The following TTC34 variants were observed in gnomAD, a reference collection of about 807,000 sequenced individuals.
TTC34 encodes the protein tetratricopeptide repeat domain 34, also known as tetratricopeptide repeat protein 34.
In TTC34, 44 loss-of-function variants were observed where a neutral mutation model predicts 40.7. The ratio of observed to expected loss-of-function variants is 1.08; its 90% CI spans 0.85 to 1.39. The LOEUF (loss-of-function observed/expected upper bound fraction) is 1.39, where lower values mean the gene tolerates loss of function less well. Ranked by LOEUF, TTC34 falls within the 40% of genes most tolerant of loss-of-function variation. TTC34 has a pLI of 0.00. For synonymous variants in TTC34, 422 were observed against 398.6 expected, an observed-to-expected ratio of 1.06 and a Z score of -0.70; for missense variants, 884 against 838.0, an observed-to-expected ratio of 1.05 and a Z score of -0.68.
intron 2 of TTC34, among the ~76,000 whole-genome samples, chr1:2,799,206 C>A (rs1414454176): frequency 6.6e-6 from 1 of 152,228 alleles, no homozygotes; most frequent in Non-Finnish European, 1.5e-5. Context: ...ACTCTGGTTC[C>A]TCTGGCACAT....
At chr1:2,650,765 A>G (rs1227554538) in intron 6 of TTC34, among the ~76,000 whole-genome samples, 1 of 148,562 alleles carries the variant, frequency 6.7e-6, no homozygotes, top group African/African-American at 2.5e-5. Context: ...AGCATCTGAA[A>G]CCCTGGATCA....
At position 2,792,006 on chromosome 1, in the gene TTC34, C is replaced by CTT. The variant is rs376632144; in HGVS notation, c.785-1662_785-1661dup. On this transcript the variant is annotated intron_variant, in intron 2 of 8. Coordinates refer to ENST00000401095, the Ensembl canonical transcript of TTC34. The stretch of plus-strand genomic sequence containing the variant: ...TGTTCAACTCTAGACTTGCCATATG[C>CTT]TTTTTTTTTTTTTTTTTTTTTTTTT... Among the ~76,000 whole-genome samples the CTT allele has an allele frequency of 1.3e-3, 52 of 39,554 alleles. 8 individuals carry two copies. Among genetic ancestry groups the CTT allele is most frequent in the African/African-American group, 2.4e-3 (29 of 11,988 alleles). 25.9% of individuals were successfully genotyped at this position (39,554 alleles called of 152,430 possible).
intron 6 of TTC34, among the ~76,000 whole-genome samples, chr1:2,759,565 A>G (rs1401258475): frequency 1.5e-4 from 15 of 97,996 alleles, no homozygotes; most frequent in East Asian, 7.1e-4. Flanking sequence ...ACACTCCCAG[A>G]CGAGCATCGG....
At chr1:2,755,849 G>T (rs1336587060) in intron 6 of TTC34, among the ~76,000 whole-genome samples, 1 of 83,652 alleles carries the variant, frequency 1.2e-5, no homozygotes, top group African/African-American at 8.4e-5. Context: ...CGACAGCCTG[G>T]AACATCACCC....
At chr1:2,681,187 C>A (rs1460086917) in intron 6 of TTC34, among the ~76,000 whole-genome samples, 97 of 124,960 alleles carry the variant, frequency 7.8e-4, no homozygotes, top group East Asian at 4.0e-3. Context: ...CCCACGCCCA[C>A]AGGCGAGCAT....
At chr1:2,682,040 C>A (rs1281470164) in intron 6 of TTC34, among the ~76,000 whole-genome samples, 2 of 95,788 alleles carry the variant, frequency 2.1e-5, no homozygotes, top group Non-Finnish European at 4.3e-5. Flanking sequence ...AGGTGAGCAT[C>A]TGACATTGTG....
At chr1:2,769,637 G>T (rs1308519821) in intron 6 of TTC34, among the ~76,000 whole-genome samples, 2 of 138,554 alleles carry the variant, frequency 1.4e-5, no homozygotes, top group South Asian at 2.4e-4. Context: ...ACACCCCCAG[G>T]TGAGCATCTG....
At chr1:2,800,227 C>G (rs939202026) in exon 2 of TTC34, 88 of 398,512 alleles carry the variant, frequency 2.2e-4, no homozygotes, top group Non-Finnish European at 3.5e-4. Flanking sequence ...CTGTGCCCAG[C>G]CTCCGGGTGC....
At chr1:2,652,520 C>CT (rs1639181508) in intron 6 of TTC34, among the ~76,000 whole-genome samples, 94 of 125,530 alleles carry the variant, frequency 7.5e-4, no homozygotes, top group South Asian at 2.2e-3. Context: ...CAACAGCACC[C>CT]ACACCTCCAG....
At chr1:2,691,739 C>G (rs543931189) in intron 6 of TTC34, among the ~76,000 whole-genome samples, 1 of 102,494 alleles carries the variant, frequency 9.8e-6, no homozygotes, top group Non-Finnish European at 2.3e-5. Context: ...GAGCAGCACC[C>G]ACATTCCCAG....
At chr1:2,641,247 G>T in exon 9 of TTC34, 1 of 1,143,634 alleles carries the variant, frequency 8.7e-7, no homozygotes, top group Non-Finnish European at 1.2e-6. Context: ...GGAAGGGGGT[G>T]TGGAGAGGGC....
chr1:2,787,569 G>A, exon 4 of TTC34: 1 of 1,546,480 alleles, frequency 6.5e-7, no homozygotes, highest in Non-Finnish European at 8.7e-7. Context: ...CCGGGATAGG[G>A]CCACCAGCAG....
intron 6 of TTC34, among the ~76,000 whole-genome samples, chr1:2,771,854 GC>G (rs2100514173): frequency 3.4e-5 from 2 of 59,600 alleles, no homozygotes; most frequent in Non-Finnish European, 6.0e-5. Context: ...ACTGAGGTGA[GC>G]ATCTGACAGC....
At chr1:2,750,226 C>T (rs1442663685) in intron 6 of TTC34, among the ~76,000 whole-genome samples, 1 of 133,596 alleles carries the variant, frequency 7.5e-6, no homozygotes. Flanking sequence ...ATCTGATGGT[C>T]TGGAGCAGCA....
At chr1:2,686,796 C>G (rs201907840) in intron 6 of TTC34, among the ~76,000 whole-genome samples, 1 of 146,576 alleles carries the variant, frequency 6.8e-6, no homozygotes, top group Non-Finnish European at 1.5e-5. Flanking sequence ...TGGATCAGCA[C>G]CCACACCCCC....
chr1:2,686,589 A>G (rs1460394167), intron 6 of TTC34, among the ~76,000 whole-genome samples: 5 of 85,424 alleles, frequency 5.9e-5, no homozygotes, highest in Non-Finnish European at 1.2e-4. Context: ...ACCGCCTGGA[A>G]CAGCACACAC....
chr1:2,697,759 A>ACAACAGGGAATGGTAT (rs1640936223), intron 6 of TTC34, among the ~76,000 whole-genome samples: 1 of 41,674 alleles, frequency 2.4e-5, no homozygotes, highest in African/African-American at 9.5e-5. Context: ...TGGAAGAGCA[A>ACAACAGGGAATGGTAT]CCACACCCCC....
At chr1:2,641,547 G>C (rs535810559) in exon 9 of TTC34, 2 of 1,533,774 alleles carry the variant, frequency 1.3e-6, no homozygotes, top group Admixed American at 3.9e-5. Context: ...GTGGGGGCCC[G>C]GCCTGGCTGC....
intron 6 of TTC34, among the ~76,000 whole-genome samples, chr1:2,771,558 A>G (rs113403891): frequency 3.5e-5 from 1 of 28,896 alleles, no homozygotes; most frequent in Non-Finnish European, 5.7e-5. Context: ...GGAGCAGCAC[A>G]CACAACCCCA....
Sources: gnomAD v4.1 joint callset for allele counts (sites outside exome capture counted in the v4.1 genomes callset) on GRCh38, gnomAD v4.1.1 for gene constraint, MANE v1.5 for transcripts, NCBI Gene and HGNC (gene_info 2026-07-23, HGNC 2026-07-21) for gene names.